The following DNAI4 variants were observed in gnomAD, a reference collection of about 807,000 sequenced individuals.
The protein encoded by DNAI4 is dynein axonemal intermediate chain 4.
In DNAI4, 85 loss-of-function variants were observed where a neutral mutation model predicts 105.8. The observed-to-expected ratio is 0.80, with a 90% confidence interval of 0.67 to 0.96. DNAI4 has a LOEUF of 0.96. DNAI4 is among the 40% of genes least tolerant of loss of function. The pLI, the probability that DNAI4 is intolerant of heterozygous loss-of-function variation, is 0.00. For missense variants in DNAI4, 1,014 were observed against 1,005.6 expected, an observed-to-expected ratio of 1.01 and a Z score of -0.11; for synonymous variants, 352 against 331.5, an observed-to-expected ratio of 1.06 and a Z score of -0.67.
At position 66,921,877 on chromosome 1, in the gene DNAI4, C is replaced by A. The variant is rs567899284; in HGVS notation, c.170+2785G>T. Among the ~76,000 whole-genome samples the A allele has an allele frequency of 3.4e-5, 5 of 148,760 alleles. No individual in the cohort carries two copies. In the South Asian group the frequency reaches 1.1e-3, roughly 32 times the overall value. ...GTGAAGATGGATGAATAAGCAGGTA[C>A]ACAATAAACTTGTAGAAATTTTTTT... On this transcript the variant is annotated intron_variant, in intron 1 of 16. Coordinates refer to ENST00000371026, the MANE Select transcript of DNAI4 (RefSeq NM_024763.5).
chr1:66,860,244 T>C (rs1646595802), intron 7 of DNAI4, among the ~76,000 whole-genome samples: 1 of 152,104 alleles, frequency 6.6e-6, no homozygotes, highest in Non-Finnish European at 1.5e-5. Context: ...CAAAGGCAAA[T>C]ATTATTGGAC....
At chr1:66,859,020 C>A (rs1436473167) in intron 7 of DNAI4, among the ~76,000 whole-genome samples, 2 of 151,878 alleles carry the variant, frequency 1.3e-5, no homozygotes, top group Admixed American at 6.6e-5. Flanking sequence ...AAAAATGTAT[C>A]ATCTATGAAA....
At chr1:66,863,256 A>G (rs1165817459) in intron 6 of DNAI4, among the ~76,000 whole-genome samples, 1 of 152,178 alleles carries the variant, frequency 6.6e-6, no homozygotes, top group Non-Finnish European at 1.5e-5. Flanking sequence ...TGTACATGCT[A>G]AATTTACCAA....
chr1:66,816,396 G>A (rs1645515735), intron 16 of DNAI4, among the ~76,000 whole-genome samples: 1 of 151,672 alleles, frequency 6.6e-6, no homozygotes, highest in Non-Finnish European at 1.5e-5. Context: ...TAAAATTAAT[G>A]AAAAAATTAT....
chr1:66,907,809 C>A (rs1242420467), intron 1 of DNAI4, among the ~76,000 whole-genome samples: 1 of 152,220 alleles, frequency 6.6e-6, no homozygotes, highest in Non-Finnish European at 1.5e-5. Flanking sequence ...GACACTTACT[C>A]CCATGGTCAT....
At chr1:66,833,917 C>A in intron 12 of DNAI4, 74 bp downstream of exon 12, 1 of 1,501,788 alleles carries the variant, frequency 6.7e-7, no homozygotes, top group Non-Finnish European at 8.9e-7. Flanking sequence ...AATTTGTCAT[C>A]TTTCACACAT....
intron 4 of DNAI4, among the ~76,000 whole-genome samples, chr1:66,883,879 T>C (rs913179801): frequency 9.9e-5 from 15 of 152,218 alleles, no homozygotes; most frequent in African/African-American, 3.4e-4. Flanking sequence ...AATTTTGTAA[T>C]ATAGAATATT....
chr1:66,825,310 G>A, intron 15 of DNAI4, among the ~76,000 whole-genome samples: 1 of 151,114 alleles, frequency 6.6e-6, no homozygotes, highest in East Asian at 1.9e-4. Flanking sequence ...CTCCCGAGTA[G>A]CTGGGACTAC....
chr1:66,886,668 G>C (rs894839962), intron 4 of DNAI4, among the ~76,000 whole-genome samples: 1 of 152,116 alleles, frequency 6.6e-6, no homozygotes, highest in Non-Finnish European at 1.5e-5. Flanking sequence ...TGTGGAGAAG[G>C]GAAGTAGTCT....
chr1:66,845,586 T>A (rs1292078353), intron 8 of DNAI4, among the ~76,000 whole-genome samples: 3 of 152,156 alleles, frequency 2.0e-5, no homozygotes, highest in Admixed American at 1.3e-4. Flanking sequence ...ACTCTTAATA[T>A]CCCCAGACTG....
chr1:66,836,188 GAAAGAAAGAAAGAA>G (rs1645990617), intron 10 of DNAI4, among the ~76,000 whole-genome samples: 1 of 61,396 alleles, frequency 1.6e-5, no homozygotes. Context: ...AAGAAAGAAA[GAAAGAAAGAAAGAA>G]AGAAAGAGAG....
At chr1:66,879,584 T>G (rs1647024614) in intron 4 of DNAI4, among the ~76,000 whole-genome samples, 2 of 152,162 alleles carry the variant, frequency 1.3e-5, no homozygotes, top group African/African-American at 4.8e-5. Flanking sequence ...TAAGAGTATG[T>G]TTAGTTTTAT....
At chr1:66,862,372 T>G (rs1646646290) in intron 6 of DNAI4, 70 bp from the exon 7 acceptor site, 1 of 1,461,876 alleles carries the variant, frequency 6.8e-7, no homozygotes, top group Non-Finnish European at 9.3e-7. Flanking sequence ...TATACATAAC[T>G]AGTCACAGAA....
chr1:66,843,206 A>AC (rs1271372780), intron 8 of DNAI4, among the ~76,000 whole-genome samples: 3 of 115,270 alleles, frequency 2.6e-5, no homozygotes, highest in Non-Finnish European at 5.5e-5. Flanking sequence ...TCTCAAAAAA[A>AC]AAAAAAGGTG....
chr1:66,843,554 A>G (rs1189308211), intron 8 of DNAI4, among the ~76,000 whole-genome samples: 2 of 152,290 alleles, frequency 1.3e-5, no homozygotes, highest in East Asian at 3.9e-4. Flanking sequence ...CAGCTTATCA[A>G]TTATGTCTCT....
intron 15 of DNAI4, among the ~76,000 whole-genome samples, chr1:66,825,490 T>C (rs575860952): frequency 1.3e-5 from 2 of 152,322 alleles, no homozygotes; most frequent in African/African-American, 4.8e-5. Flanking sequence ...CTAATAACTG[T>C]CTTTTAACAG....
chr1:66,902,500 C>T (rs912309414), intron 2 of DNAI4, among the ~76,000 whole-genome samples: 3 of 151,992 alleles, frequency 2.0e-5, no homozygotes, highest in African/African-American at 7.3e-5. Flanking sequence ...TTGTACCATC[C>T]TGTGGGTTGT....
Position 66,890,708 on chromosome 1 carries a change from G to T in DNAI4, c.643+446C>A. The T allele has an allele frequency of 8.9e-6, 2 of 224,606 alleles. No individual in the cohort carries two copies. The allele number at this position is 224,606 out of a possible 1,614,324, so 13.9% of individuals were successfully genotyped here. On this transcript the variant is annotated intron_variant, in intron 4 of 16. Coordinates refer to ENST00000371026, the MANE Select transcript of DNAI4 (RefSeq NM_024763.5). This position sits in a 1 kb window ranked among gnomAD's most constrained non-coding sequence, Gnocchi z 4.1. ...GGAAGAGGAAGAAGAAGAAGGAGAG[G>T]AGGGGGAGGAGGAGGAGGGAGAGGA... is the stretch of plus-strand genomic sequence containing the variant.
At chr1:66,839,276 T>G (rs1018765228) in intron 9 of DNAI4, among the ~76,000 whole-genome samples, 9 of 152,074 alleles carry the variant, frequency 5.9e-5, no homozygotes, top group African/African-American at 1.7e-4. Context: ...CCCCAAAAAA[T>G]TAATTAATTA....
Sources: allele counts gnomAD v4.1 joint callset (sites outside exome capture counted in the v4.1 genomes callset), GRCh38; gene constraint gnomAD v4.1.1; non-coding constraint Gnocchi (gnomAD v3.1); transcripts MANE v1.5; gene names NCBI Gene and HGNC (gene_info 2026-07-23, HGNC 2026-07-21).